Variants in PCDH15 observed in about 807,000 individuals in gnomAD.
PCDH15 encodes the protein protocadherin related 15.
Under a neutral mutation model 178.5 loss-of-function variants are expected in PCDH15, and 129 were observed. The observed-to-expected ratio is 0.72, with a 90% CI of 0.63 to 0.84. PCDH15 has a LOEUF of 0.84. PCDH15 is among the 40% of genes least tolerant of loss of function. The pLI, the probability that PCDH15 is intolerant of heterozygous loss-of-function variation, is 0.00. For synonymous variants in PCDH15, 800 were observed against 732.0 expected, an observed-to-expected ratio of 1.09 and a Z score of -1.50; for missense variants, 2,230 against 2,099.9, an observed-to-expected ratio of 1.06 and a Z score of -1.21.
intron 1 of PCDH15, among the ~76,000 whole-genome samples, chr10:55,236,871 T>C (rs1452752047): frequency 2.0e-5 from 3 of 151,644 alleles, no homozygotes; most frequent in Non-Finnish European, 2.9e-5. Context: ...AAAATACTAA[T>C]ATAATTGATT....
chr10:54,320,777 G>A (rs1282178959), intron 7 of PCDH15, among the ~76,000 whole-genome samples: 1 of 151,826 alleles, frequency 6.6e-6, no homozygotes. Flanking sequence ...AAAAAATGAT[G>A]AGGACATGTT....
intron 2 of PCDH15, among the ~76,000 whole-genome samples, chr10:55,572,048 T>C (rs1258707138): frequency 6.6e-6 from 1 of 152,082 alleles, no homozygotes; most frequent in Admixed American, 6.6e-5. Context: ...TTGTAAAATA[T>C]TCCCAAGGAA....
chr10:54,140,186 T>G (rs1227836915), intron 14 of PCDH15, among the ~76,000 whole-genome samples: 1 of 152,212 alleles, frequency 6.6e-6, no homozygotes, highest in Non-Finnish European at 1.5e-5. Context: ...AAGAAATACA[T>G]TAGCAGTTTG....
chr10:54,580,411 C>T (rs2133778342), intron 2 of PCDH15, among the ~76,000 whole-genome samples: 1 of 152,038 alleles, frequency 6.6e-6, no homozygotes, highest in South Asian at 2.1e-4. Context: ...CAAATTGAAT[C>T]ACAAAGAAAT....
chr10:55,188,138 G>A lies in PCDH15; in HGVS notation c.-155-21487C>T, dbSNP rs147576097. Reference sequence around the variant, plus strand: ...AAGATAAGCAAACAGTTTAAAACATGTGCAACTGCTCACTGTGTGGTGTTT... The same window carrying A: ...AAGATAAGCAAACAGTTTAAAACATATGCAACTGCTCACTGTGTGGTGTTT... On this transcript the variant is annotated intron_variant, in intron 1 of 5. Coordinates refer to the PCDH15 transcript ENST00000458638. 6.3e-3 allele frequency among the ~76,000 whole-genome samples: 962 copies of A among 152,078 alleles called. 15 individuals carry two copies. The highest frequency in any genetic ancestry group is 0.022 in the African/African-American group (925 of 41,514).
At chr10:55,525,134 T>C (rs2132169694) in intron 2 of PCDH15, among the ~76,000 whole-genome samples, 1 of 151,848 alleles carries the variant, frequency 6.6e-6, no homozygotes, top group Non-Finnish European at 1.5e-5. Context: ...AAATGTAGAG[T>C]AGGTTGATCT....
chr10:54,915,573 T>C (rs1337897853), intron 2 of PCDH15, among the ~76,000 whole-genome samples: 1 of 152,024 alleles, frequency 6.6e-6, no homozygotes, highest in Non-Finnish European at 1.5e-5. Context: ...TTGATAGGGG[T>C]GACTGATAGG....
At chr10:54,852,058 G>A (rs148214374) in intron 3 of PCDH15, among the ~76,000 whole-genome samples, 78 of 152,238 alleles carry the variant, frequency 5.1e-4, no homozygotes, top group African/African-American at 1.6e-3. Flanking sequence ...TAATCAGAAA[G>A]GTAGTAATAC....
At chr10:55,111,201 T>C (rs1295332272) in intron 2 of PCDH15, among the ~76,000 whole-genome samples, 3 of 152,186 alleles carry the variant, frequency 2.0e-5, no homozygotes, top group African/African-American at 7.2e-5. Flanking sequence ...TGAAGACTTT[T>C]CACAGAAAAG....
intron 15 of PCDH15, among the ~76,000 whole-genome samples, chr10:54,120,639 A>G (rs1211122947): frequency 6.6e-6 from 1 of 152,218 alleles, no homozygotes; most frequent in African/African-American, 2.4e-5. Flanking sequence ...TACTATTCTC[A>G]TATCAGATAA....
chr10:54,053,797 A>C (rs560182814), intron 18 of PCDH15, among the ~76,000 whole-genome samples: 42 of 152,308 alleles, frequency 2.8e-4, no homozygotes, highest in Admixed American at 1.3e-3. Context: ...TGTTAGTTAG[A>C]GACATAATTC....
intron 1 of PCDH15, among the ~76,000 whole-genome samples, chr10:54,799,341 T>A (rs948187479): frequency 3.3e-4 from 50 of 152,116 alleles, no homozygotes; most frequent in African/African-American, 1.2e-3. Context: ...GTAATGGACA[T>A]TTATTTTTCA....
intron 1 of PCDH15, among the ~76,000 whole-genome samples, chr10:55,174,947 C>A (rs1416211868): frequency 1.3e-5 from 2 of 152,052 alleles, no homozygotes; most frequent in South Asian, 2.1e-4. Context: ...AGAATTTAAC[C>A]CAAGCATTTG....
intron 8 of PCDH15, among the ~76,000 whole-genome samples, chr10:54,268,685 T>G (rs2057854345): frequency 6.6e-6 from 1 of 151,940 alleles, no homozygotes; most frequent in Non-Finnish European, 1.5e-5. Context: ...GATATGTCAC[T>G]GCTTCTTATC....
At chr10:55,302,222 A>T (rs2132279240) in intron 1 of PCDH15, among the ~76,000 whole-genome samples, 1 of 101,248 alleles carries the variant, frequency 9.9e-6, no homozygotes, top group East Asian at 2.6e-4. Flanking sequence ...CCACTCTATG[A>T]AAAAAGTGTG....
chr10:54,346,416 A>G lies in PCDH15; in HGVS notation c.543T>C (p.Asp181=). The G allele has an allele frequency of 6.2e-7, 1 of 1,613,732 alleles. No homozygotes were observed. Among genetic ancestry groups the G allele is most frequent in the Non-Finnish European group, 8.5e-7 (1 of 1,179,698 alleles). The change falls in exon 6 of 38, where the codon GAT becomes GAC. Residue 181 remains aspartate (D), a synonymous_variant. Coordinates refer to ENST00000644397, the MANE Select transcript of PCDH15 (RefSeq NM_001384140.1). ...CATACTCTATCTGTCCATTTGGTCC[A>G]TCATCTATATCTGTAGCTCCATTGT... is the stretch of plus-strand genomic sequence containing the variant. ...SGDNGATDID[D]GPNGQIEYVI...
At chr10:54,622,617 TAA>T (rs1280476031) in intron 2 of PCDH15, among the ~76,000 whole-genome samples, 7 of 45,280 alleles carry the variant, frequency 1.5e-4, no homozygotes, top group African/African-American at 4.3e-4. Flanking sequence ...TAATTATATA[TAA>T]TATATATAAT....
chr10:54,960,923 A>G (rs1231519246), intron 2 of PCDH15, among the ~76,000 whole-genome samples: 1 of 152,248 alleles, frequency 6.6e-6, no homozygotes, highest in Non-Finnish European at 1.5e-5. Flanking sequence ...TATAACACAT[A>G]GGCACACAAA....
chr10:54,296,144 CAAAAAAAAAAAAAA>C, intron 8 of PCDH15, among the ~76,000 whole-genome samples: 1 of 48,222 alleles, frequency 2.1e-5, no homozygotes, highest in African/African-American at 8.0e-5. Context: ...GACTCCGTCT[CAAAAAAAAAAAAAA>C]AAAAAAAAAA....
Sources: gnomAD v4.1 joint callset for allele counts (sites outside exome capture counted in the v4.1 genomes callset) on GRCh38, gnomAD v4.1.1 for gene constraint, MANE v1.5 for transcripts, NCBI Gene and HGNC (gene_info 2026-07-23, HGNC 2026-07-21) for gene names.